GAPVD1: variants seen among roughly 807,000 people sequenced by gnomAD.
GAPVD1 encodes the protein GTPase activating protein and VPS9 domains 1.
GAPVD1 carries 35 observed loss-of-function variants against 155.5 expected under a neutral mutation model. The observed-to-expected ratio is 0.23, with a 90% CI of 0.17 to 0.30. The LOEUF is 0.30. GAPVD1 is among the 10% of genes least tolerant of loss of function. GAPVD1 has a pLI of 1.00. For missense variants in GAPVD1, 1,429 were observed against 1,775.7 expected, an observed-to-expected ratio of 0.80 and a Z score of 3.51; for synonymous variants, 636 against 619.7, an observed-to-expected ratio of 1.03 and a Z score of -0.39.
rs1841463843 is a variant in GAPVD1, at chr9:125,304,442, GA to G, written c.1030-620del. On this transcript the variant is annotated intron_variant, in intron 5 of 27. Transcript: ENST00000297933. ...TTGTTTTTTTTGTCATTCCAGTAGA[GA>G]TCAAATTACATATTTTCAGAATCAG... 2.0e-5 allele frequency among the ~76,000 whole-genome samples: 3 copies of G among 152,138 alleles called. No homozygotes were observed. In the South Asian group the frequency reaches 6.2e-4, roughly 32 times the overall value.
chr9:125,344,510 TTTAA>T (rs966150232), intron 19 of GAPVD1, among the ~76,000 whole-genome samples: 4 of 152,216 alleles, frequency 2.6e-5, no homozygotes, highest in Non-Finnish European at 5.9e-5. Flanking sequence ...GCATTTTTTG[TTTAA>T]TTATTCTCTG....
chr9:125,331,733 C>T (rs1004051181), intron 13 of GAPVD1, among the ~76,000 whole-genome samples, 193 bp from the exon 14 acceptor site: 5 of 152,122 alleles, frequency 3.3e-5, no homozygotes, highest in African/African-American at 1.2e-4. Context: ...AGTGAACTGG[C>T]TTATATTGGG....
chr9:125,312,961 C>T (rs1303903184), intron 9 of GAPVD1, among the ~76,000 whole-genome samples: 1 of 152,082 alleles, frequency 6.6e-6, no homozygotes, highest in Admixed American at 6.6e-5. Flanking sequence ...GCTGGGATTA[C>T]AGGCATGCAT....
intron 2 of GAPVD1, among the ~76,000 whole-genome samples, chr9:125,280,955 A>G (rs1350449144): frequency 2.0e-5 from 3 of 152,170 alleles, no homozygotes; most frequent in Non-Finnish European, 4.4e-5. Context: ...TTCTTAAACT[A>G]TTCTGGCTGG....
chr9:125,288,153 C>A (rs1456814020), intron 2 of GAPVD1, among the ~76,000 whole-genome samples: 1 of 150,952 alleles, frequency 6.6e-6, no homozygotes, highest in Non-Finnish European at 1.5e-5. Flanking sequence ...ACTCTGTCGC[C>A]CAGGCTGGAG....
chr9:125,354,459 A>T (rs1849766167), intron 23 of GAPVD1, among the ~76,000 whole-genome samples, 195 bp from the exon 24 acceptor site: 1 of 152,202 alleles, frequency 6.6e-6, no homozygotes, highest in African/African-American at 2.4e-5. Flanking sequence ...TGCAGCTGGC[A>T]CCATGATCAG....
intron 2 of GAPVD1, among the ~76,000 whole-genome samples, chr9:125,280,797 A>G (rs2945038): frequency 0.6 from 91,084 of 151,640 alleles, 29,469 homozygotes; most frequent in African/African-American, 0.87. Context: ...GGATGGTGTC[A>G]ATCTCCTGAC....
chr9:125,292,540 G>GC (rs1365613736), intron 2 of GAPVD1, among the ~76,000 whole-genome samples: 1 of 151,950 alleles, frequency 6.6e-6, no homozygotes, highest in African/African-American at 2.4e-5. Flanking sequence ...TTACAGGTGT[G>GC]CACCACCAAG....
chr9:125,265,486 C>CT (rs1833732029), intron 1 of GAPVD1, among the ~76,000 whole-genome samples: 1 of 151,706 alleles, frequency 6.6e-6, no homozygotes, highest in Admixed American at 6.6e-5. Flanking sequence ...TCTTGGCTCA[C>CT]TGAAACCTCT....
chr9:125,327,480 A>G (rs1018349457), intron 12 of GAPVD1, among the ~76,000 whole-genome samples: 2 of 152,080 alleles, frequency 1.3e-5, no homozygotes, highest in African/African-American at 4.8e-5. Flanking sequence ...TAGTGAGCAT[A>G]GTAACCAATA....
intron 1 of GAPVD1, among the ~76,000 whole-genome samples, chr9:125,266,494 C>T (rs903270481): frequency 2.0e-5 from 3 of 151,444 alleles, no homozygotes; most frequent in Non-Finnish European, 4.4e-5. Flanking sequence ...TTTGTATTTT[C>T]AGTAGAGACG....
chr9:125,294,190 G>A (rs1191177640), intron 2 of GAPVD1, among the ~76,000 whole-genome samples: 1 of 151,848 alleles, frequency 6.6e-6, no homozygotes, highest in Non-Finnish European at 1.5e-5. Flanking sequence ...ACAGGCGTGA[G>A]CCACTGTGCC....
chr9:125,268,074 G>C (rs1834268235), intron 1 of GAPVD1, among the ~76,000 whole-genome samples: 1 of 151,780 alleles, frequency 6.6e-6, no homozygotes, highest in South Asian at 2.1e-4. Context: ...TGAGGCAGGA[G>C]AATCGCTTGA....
chr9:125,304,751 C>G (rs1266842233), intron 5 of GAPVD1, among the ~76,000 whole-genome samples: 2 of 152,130 alleles, frequency 1.3e-5, no homozygotes, highest in African/African-American at 4.8e-5. Context: ...TTAAAAAGCT[C>G]TAAACAAATG....
intron 7 of GAPVD1, 29 bp downstream of exon 7, chr9:125,307,576 C>G (rs199831708): frequency 1.5e-5 from 24 of 1,598,670 alleles, no homozygotes; most frequent in Non-Finnish European, 2.1e-5. Context: ...AAGAGAATTT[C>G]TCGAAAGTCT....
chr9:125,273,934 TA>T (rs1275256810), intron 2 of GAPVD1, among the ~76,000 whole-genome samples: 4 of 151,364 alleles, frequency 2.6e-5, no homozygotes, highest in East Asian at 1.9e-4. Flanking sequence ...TTCTTTTTTT[TA>T]AAAAAAAATT....
At chr9:125,350,968 C>A in intron 23 of GAPVD1, 96 bp downstream of exon 23, 1 of 977,914 alleles carries the variant, frequency 1.0e-6, no homozygotes, top group Non-Finnish European at 1.6e-6. Flanking sequence ...AGGCTTCCTA[C>A]AAAGTGCTTG....
chr9:125,282,148 G>A (rs1379390574), intron 2 of GAPVD1, among the ~76,000 whole-genome samples: 23 of 152,176 alleles, frequency 1.5e-4, no homozygotes, highest in East Asian at 1.2e-3. Flanking sequence ...GCATAGTGGC[G>A]TATGCCTGTA....
chr9:125,293,868 A>ATGT (rs1437472068), intron 2 of GAPVD1, among the ~76,000 whole-genome samples: 1 of 19,346 alleles, frequency 5.2e-5, no homozygotes, highest in African/African-American at 5.1e-4. Context: ...ATATATATAT[A>ATGT]TATATATATA....
Sources: allele counts gnomAD v4.1 joint callset (sites outside exome capture counted in the v4.1 genomes callset), GRCh38; gene constraint gnomAD v4.1.1; transcripts MANE v1.5; gene names NCBI Gene and HGNC (gene_info 2026-07-23, HGNC 2026-07-21).